Variants in DYNC2H1 observed in about 807,000 individuals in gnomAD.
DYNC2H1 encodes the protein dynein cytoplasmic 2 heavy chain 1, also known as cytoplasmic dynein 2 heavy chain 1.
DYNC2H1 carries 410 observed loss-of-function variants against 570.0 expected under a neutral mutation model. The ratio of observed to expected loss-of-function variants is 0.72; its 90% CI spans 0.66 to 0.78. The LOEUF is 0.78. Among genes scored for constraint, DYNC2H1 ranks in the 30% least tolerant of loss-of-function variants. The pLI is 0.00. For synonymous variants in DYNC2H1, 1,688 were observed against 1,677.6 expected, an observed-to-expected ratio of 1.01 and a Z score of -0.15; for missense variants, 4,865 against 5,046.4, an observed-to-expected ratio of 0.96 and a Z score of 1.09.
intron 75 of DYNC2H1, among the ~76,000 whole-genome samples, chr11:103,302,431 C>T (rs945737112): frequency 6.6e-6 from 1 of 151,912 alleles, no homozygotes; most frequent in South Asian, 2.1e-4. Flanking sequence ...CCTTGTTTTG[C>T]AATTGAGGAA....
chr11:103,155,604 A>G, intron 25 of DYNC2H1, 103 bp downstream of exon 25: 1 of 1,103,808 alleles, frequency 9.1e-7, no homozygotes, highest in Non-Finnish European at 1.2e-6. Context: ...CTTTAAGGGA[A>G]TCAGCTTTCA....
rs907293780 is a variant in DYNC2H1, at chr11:103,459,612, G to C, written c.12648+3256G>C. Among the ~76,000 whole-genome samples, 3 of 152,034 alleles carry C rather than the reference G, an allele frequency of 2.0e-5. No individual in the cohort carries two copies. The East Asian group carries it at 5.8e-4, about 30-fold the overall frequency. On this transcript the variant is annotated intron_variant, in intron 87 of 88. Transcript: ENST00000375735. Reference sequence around the variant, plus strand: ...AAATTTGATCATTACCAACAAGCTAGATCTTTCCCTTTTGGCTCTATAGAC... The same window carrying C: ...AAATTTGATCATTACCAACAAGCTACATCTTTCCCTTTTGGCTCTATAGAC...
intron 85 of DYNC2H1, among the ~76,000 whole-genome samples, chr11:103,448,036 C>G (rs1012615343): frequency 3.3e-5 from 5 of 152,070 alleles, no homozygotes; most frequent in Non-Finnish European, 5.9e-5. Context: ...TAACAAGTGG[C>G]AGGTCACTTT....
intron 18 of DYNC2H1, among the ~76,000 whole-genome samples, chr11:103,144,575 T>C (rs1860139799): frequency 6.6e-6 from 1 of 152,168 alleles, no homozygotes; most frequent in Non-Finnish European, 1.5e-5. Context: ...GCTGAAAATA[T>C]GAAGTTGGTT....
intron 88 of DYNC2H1, 70 bp from the exon 89 acceptor site, chr11:103,479,025 C>T: frequency 1.3e-6 from 2 of 1,517,160 alleles, no homozygotes; most frequent in Non-Finnish European, 1.8e-6. Flanking sequence ...TGTTTGTTTC[C>T]TTGGTTATCT....
In DYNC2H1 at chr11:103,465,456, G is replaced by GT. The variant is rs113580244; in HGVS notation, c.12649-3122dup. On this transcript the variant is annotated intron_variant, in intron 87 of 88. Transcript: ENST00000375735. This position sits in a 1 kb window ranked among gnomAD's most constrained non-coding sequence, Gnocchi z 4.9. The stretch of plus-strand genomic sequence containing the variant: ...CAACCAGTATCCCAAAGTGTGTTTT[G>GT]TTTTTTTTTTTAATCTGTGGCACAT... Among the ~76,000 whole-genome samples, 24,553 of 146,268 alleles carry GT rather than the reference G, an allele frequency of 0.17. 2,139 individuals carry two copies. The highest frequency in any genetic ancestry group is 0.25 in the Admixed American group (3,657 of 14,716).
intron 84 of DYNC2H1, among the ~76,000 whole-genome samples, chr11:103,430,818 C>T (rs1273771942): frequency 6.6e-6 from 1 of 152,236 alleles, no homozygotes; most frequent in East Asian, 1.9e-4. Flanking sequence ...CACCAGAAAG[C>T]CTTTCCTAAC....
chr11:103,379,392 CTTG>C (rs1941544114), intron 83 of DYNC2H1, among the ~76,000 whole-genome samples: 1 of 152,062 alleles, frequency 6.6e-6, no homozygotes, highest in Admixed American at 6.6e-5. Flanking sequence ...CATTTTAATT[CTTG>C]TTTGTAAAAT....
Position 103,145,952 on chromosome 11 carries a change from C to T in DYNC2H1, c.2703-1820C>T, listed in dbSNP as rs558439489. Among the ~76,000 whole-genome samples, 1 of 152,256 alleles carries T rather than the reference C, an allele frequency of 6.6e-6. No homozygotes were observed. Among genetic ancestry groups the T allele is most frequent in the Non-Finnish European group, 1.5e-5 (1 of 67,994 alleles). ...GTAATTAGATCACTTTATGTTAATT[C>T]ATTAGCAAAATACAGTATAATATAA... On this transcript the variant is annotated intron_variant, in intron 18 of 88. Transcript: ENST00000375735. The surrounding 1 kb of genome is among the most constrained non-coding windows in gnomAD (Gnocchi z 4.2).
In DYNC2H1 at chr11:103,170,226, C is replaced by T. The variant is rs751030969; in HGVS notation, c.5087C>T (p.Thr1696Met). 5.0e-5 allele frequency: 80 copies of T among 1,611,820 alleles called. No homozygotes were observed. The highest frequency in any genetic ancestry group is 6.4e-5 in the Non-Finnish European group (75 of 1,178,966). ...NPYGPAGTGK[T>M]ESVKALGGLL... Reference sequence around the variant, plus strand: ...TATGGACCAGCTGGAACTGGGAAAACGGAATCAGTAAAGGCTTTAGGTGGA... The same window carrying T: ...TATGGACCAGCTGGAACTGGGAAAATGGAATCAGTAAAGGCTTTAGGTGGA... Residue 1696 changes from threonine (T) to methionine (M), a missense_variant, in exon 33 of 89, where the codon ACG (threonine) becomes ATG (methionine). Physicochemically the swap from Thr to Met is moderately conservative, Grantham distance 81. Transcript: ENST00000375735. This position sits in a 1 kb window ranked among gnomAD's most constrained non-coding sequence, Gnocchi z 4.8.
rs1398599407 is a variant in DYNC2H1, at chr11:103,264,255, C to G, written c.10695+4278C>G. Among the ~76,000 whole-genome samples, 1 of 152,126 alleles carries G rather than the reference C, an allele frequency of 6.6e-6. No homozygotes were observed. Among genetic ancestry groups the G allele is most frequent in the East Asian group, 1.9e-4 (1 of 5,190 alleles). ...AAAAGCCCAGGGTCAGATGGATTCA[C>G]AGCCAAATTCTACCAGAGGTACAAA... On this transcript the variant is annotated intron_variant, in intron 70 of 88. Coordinates refer to ENST00000375735, the MANE Select transcript of DYNC2H1 (RefSeq NM_001377.3). This position sits in a 1 kb window ranked among gnomAD's most constrained non-coding sequence, Gnocchi z 4.8.
chr11:103,399,526 A>G (rs1465342538), intron 83 of DYNC2H1, 137 bp from the exon 84 acceptor site: 5 of 644,558 alleles, frequency 7.8e-6, no homozygotes, highest in Admixed American at 3.1e-5. Context: ...AATACATTTG[A>G]CCGTTTATAA....
chr11:103,173,265 G>A lies in DYNC2H1; in HGVS notation c.5518G>A (p.Val1840Ile). The change falls in exon 35 of 89, where the codon GTA (valine) becomes ATA (isoleucine). Residue 1840 changes from valine (V) to isoleucine (I), a missense_variant. Around this residue, in one of 5 missense-constraint regions of DYNC2H1, gnomAD observed 292 missense variants for 300.2 expected, o/e 0.97. Coordinates refer to ENST00000375735, the MANE Select transcript of DYNC2H1 (RefSeq NM_001377.3). ...LYSEGFKDAK[V>I]LSRKLVAIFN... ...TTCGGAAGGCTTTAAAGACGCTAAA[G>A]TATTGAGCAGAAAATTGGTAGCTAT... 6.3e-7 allele frequency: 1 copy of A among 1,588,396 alleles called. No individual in the cohort carries two copies. The highest frequency in any genetic ancestry group is 8.6e-7 in the Non-Finnish European group (1 of 1,168,824).
At chr11:103,173,992 TG>T (rs1183288524) in intron 35 of DYNC2H1, 62 bp from the exon 36 acceptor site, 3 of 1,131,024 alleles carry the variant, frequency 2.7e-6, no homozygotes, top group Non-Finnish European at 2.6e-6. Context: ...TTTCTTTGGA[TG>T]TTATGATGAA....
chr11:103,358,513 C>T (rs950861250), intron 83 of DYNC2H1, among the ~76,000 whole-genome samples, 154 bp downstream of exon 83: 2 of 152,168 alleles, frequency 1.3e-5, no homozygotes, highest in African/African-American at 4.8e-5. Flanking sequence ...CATACCAGTG[C>T]ACATCAAAGT....
At position 103,153,427 on chromosome 11, in the gene DYNC2H1, A is replaced by G. The variant is rs950869126; in HGVS notation, c.3221A>G (p.Asn1074Ser). The G allele has an allele frequency of 1.9e-6, 3 of 1,565,504 alleles. No individual in the cohort carries two copies. Among genetic ancestry groups the G allele is most frequent in the East Asian group, 4.7e-5 (2 of 42,960 alleles). The change falls in exon 22 of 89, where the codon AAT (asparagine) becomes AGT (serine). Residue 1074 changes from asparagine (N) to serine (S), a missense_variant. This residue lies in a region of DYNC2H1 where 1,936 missense variants were observed against 1,962.1 expected (regional missense o/e 0.99). Coordinates refer to ENST00000375735, the MANE Select transcript of DYNC2H1 (RefSeq NM_001377.3). ...GATGTTATTGAAACTGGCCAACATA[A>G]TACTCTTGATAAAAGTGCAAAGTTA... The part of the protein sequence containing the change: ...GDDVIETGQH[N>S]TLDKSAKLIK...
Position 103,147,807 on chromosome 11 carries a change from A to G in DYNC2H1, c.2738A>G (p.Asn913Ser), listed in dbSNP as rs1428182050. ...GTAGATTGTTTAAATATTAATTGCA[A>G]CCCTGTGAAGACTGTGATTGATGAT... ...VKVDCLNINC[N>S]PVKTVIDDLI... Residue 913 changes from asparagine to serine, a missense_variant, in exon 19 of 89, where the codon AAC becomes AGC. Physicochemically the swap from Asn to Ser is conservative, Grantham distance 46. This residue lies in a region of DYNC2H1 where 1,936 missense variants were observed against 1,962.1 expected (regional missense o/e 0.99). Transcript: ENST00000375735. 6.2e-7 allele frequency: 1 copy of G among 1,610,142 alleles called. No homozygotes were observed. The highest frequency in any genetic ancestry group is 8.5e-7 in the Non-Finnish European group (1 of 1,178,778).
In DYNC2H1 at chr11:103,446,631, G is replaced by C. The variant is rs921676452; in HGVS notation, c.12457-8555G>C. 1.3e-5 allele frequency among the ~76,000 whole-genome samples: 2 copies of C among 152,170 alleles called. No homozygotes were observed. Among genetic ancestry groups the C allele is most frequent in the Non-Finnish European group, 2.9e-5 (2 of 68,022 alleles). ...ATGAAGTAACACAGATGAATAGAGT[G>C]AGACTGACAGGGAGAAGAGCCAAAG... On this transcript the variant is annotated intron_variant, in intron 85 of 88. Transcript: ENST00000375735. The surrounding 1 kb of genome is among the most constrained non-coding windows in gnomAD (Gnocchi z 4.5).
rs535812188 is a variant in DYNC2H1, at chr11:103,335,317, G to T, written c.12039+11327G>T. On this transcript the variant is annotated intron_variant, in intron 82 of 88. Transcript: ENST00000375735. ...CCTCTTTAATGACTATACAGTTCCT[G>T]GTCCCTTAAGTTTTTACATAACAGA... Among the ~76,000 whole-genome samples, 8 of 152,084 alleles carry T rather than the reference G, an allele frequency of 5.3e-5. No individual in the cohort carries two copies. The South Asian group carries it at 1.7e-3, about 32-fold the overall frequency.
Sources: allele counts gnomAD v4.1 joint callset (sites outside exome capture counted in the v4.1 genomes callset), GRCh38; gene constraint gnomAD v4.1.1; regional missense constraint gnomAD v4.1.1; non-coding constraint Gnocchi (gnomAD v3.1); transcripts MANE v1.5; gene names NCBI Gene and HGNC (gene_info 2026-07-23, HGNC 2026-07-21).